The following ZMYM4 variants were observed in gnomAD, a reference collection of about 807,000 sequenced individuals.
The protein encoded by ZMYM4 is zinc finger MYM-type containing 4.
A neutral mutation model predicts 183.2 loss-of-function variants in ZMYM4; 31 were observed. The observed-to-expected ratio is 0.17, with a 90% CI of 0.13 to 0.23. The LOEUF is 0.23. Ranked by LOEUF, ZMYM4 falls within the 10% of genes least tolerant of loss-of-function variation. ZMYM4 has a pLI of 1.00. For synonymous variants in ZMYM4, 592 were observed against 631.2 expected (o/e 0.94, Z 0.93); for missense variants, 1,273 against 1,840.3 (o/e 0.69, Z 5.64).
chr1:35,273,801 G>A (rs929808334), intron 1 of ZMYM4, among the ~76,000 whole-genome samples: 10 of 152,160 alleles, frequency 6.6e-5, no homozygotes, highest in African/African-American at 1.7e-4. Flanking sequence ...CCTTCAGTGG[G>A]TAGGGAGGAG....
chr1:35,279,749 C>T (rs1640051279), intron 1 of ZMYM4, among the ~76,000 whole-genome samples: 2 of 152,316 alleles, frequency 1.3e-5, no homozygotes, highest in Non-Finnish European at 2.9e-5. Context: ...TTCTATCCCA[C>T]AGTAGAACAT....
At chr1:35,300,367 A>G (rs1411971019) in intron 1 of ZMYM4, among the ~76,000 whole-genome samples, 2 of 152,008 alleles carry the variant, frequency 1.3e-5, no homozygotes, top group Non-Finnish European at 2.9e-5. Context: ...ATTCTCTATC[A>G]CTTTTTATCA....
At chr1:35,321,589 C>CTG (rs141218579) in intron 1 of ZMYM4, among the ~76,000 whole-genome samples, 3,497 of 147,902 alleles carry the variant, frequency 0.024, 67 homozygotes, top group African/African-American at 0.059. Context: ...ACTTTCAGAG[C>CTG]TGTGTGTGTG....
intron 11 of ZMYM4, among the ~76,000 whole-genome samples, 153 bp downstream of exon 11, chr1:35,386,342 A>G (rs1203275172): frequency 6.6e-6 from 1 of 152,196 alleles, no homozygotes; most frequent in Non-Finnish European, 1.5e-5. Context: ...TACAGGTAGC[A>G]TGGCTGGAGA....
chr1:35,304,638 A>ATT (rs150115066), intron 1 of ZMYM4, among the ~76,000 whole-genome samples: 4 of 121,738 alleles, frequency 3.3e-5, no homozygotes, highest in East Asian at 4.6e-4. Context: ...TTTTTTTTGT[A>ATT]TTTTTTTTTT....
intron 26 of ZMYM4, 125 bp downstream of exon 26, chr1:35,408,284 T>C: frequency 8.1e-7 from 1 of 1,227,988 alleles, no homozygotes; most frequent in East Asian, 2.5e-5. Flanking sequence ...GAACATTGTT[T>C]TTAACAACAA....
In ZMYM4 at chr1:35,381,537, A is replaced by C; in HGVS notation, c.1357-9A>C. Reference sequence around the variant, plus strand: ...CCTTGTTTTTGTGTTGCTGTTATTTAATTTCTAGATTCGACATGAAGTTAA... The same window carrying C: ...CCTTGTTTTTGTGTTGCTGTTATTTCATTTCTAGATTCGACATGAAGTTAA... On this transcript the variant is annotated splice_polypyrimidine_tract_variant and intron_variant, in intron 8 of 29. Transcript: ENST00000314607. 6.2e-7 allele frequency: 1 copy of C among 1,614,082 alleles called. No individual in the cohort carries two copies.
At chr1:35,283,905 T>TC (rs1640329536) in intron 1 of ZMYM4, among the ~76,000 whole-genome samples, 1 of 152,164 alleles carries the variant, frequency 6.6e-6, no homozygotes, top group Non-Finnish European at 1.5e-5. Context: ...AATATTTTTT[T>TC]CCCATTCTGT....
intron 1 of ZMYM4, among the ~76,000 whole-genome samples, chr1:35,287,355 C>CCGTGCCCAGCCA (rs1640554060): frequency 6.6e-6 from 1 of 151,836 alleles, no homozygotes; most frequent in Non-Finnish European, 1.5e-5. Flanking sequence ...GCATCAGCCA[C>CCGTGCCCAGCCA]TGGCTTATAG....
chr1:35,310,802 T>A (rs953796031), intron 1 of ZMYM4, among the ~76,000 whole-genome samples: 7 of 152,126 alleles, frequency 4.6e-5, no homozygotes, highest in African/African-American at 1.7e-4. Context: ...GGTCTCGAGC[T>A]CCTGACCTCA....
At chr1:35,388,304 A>G (rs531801851) in intron 13 of ZMYM4, among the ~76,000 whole-genome samples, 2 of 152,152 alleles carry the variant, frequency 1.3e-5, no homozygotes, top group Non-Finnish European at 2.9e-5. Context: ...TCCTGGGTTC[A>G]AGCGATTCTC....
chr1:35,405,002 A>G (rs750348585), intron 23 of ZMYM4, 21 bp from the exon 24 acceptor site: 67 of 1,559,554 alleles, frequency 4.3e-5, no homozygotes, highest in Non-Finnish European at 5.7e-5. Context: ...TATGTTCTGT[A>G]AATTTTTGGA....
Position 35,387,462 on chromosome 1 carries a change from G to A in ZMYM4, c.2121G>A (p.Met707Ile), listed in dbSNP as rs1196198014. The A allele has an allele frequency of 1.2e-6, 2 of 1,605,730 alleles. No individual in the cohort carries two copies. The highest frequency in any genetic ancestry group is 2.2e-5 in the East Asian group (1 of 44,818). ...KPELLDYKGK[M>I]FQFCGKNCSD... ...TGATTATTTCTTTGCAGGGCAAAATGTTTCAGTTCTGTGGCAAGAATTGTT... is the reference window on the plus strand; with the variant it reads ...TGATTATTTCTTTGCAGGGCAAAATATTTCAGTTCTGTGGCAAGAATTGTT... Residue 707 changes from methionine to isoleucine, a missense_variant, in exon 13 of 30, where the codon ATG becomes ATA. By Grantham distance (10) the Met-to-Ile change is conservative (BLOSUM62 1). Around this residue, in one of 6 missense-constraint regions of ZMYM4, gnomAD observed 319 missense variants for 518.1 expected, o/e 0.62. Transcript: ENST00000314607.
chr1:35,298,696 G>T (rs144934580), intron 1 of ZMYM4, among the ~76,000 whole-genome samples: 1 of 152,142 alleles, frequency 6.6e-6, no homozygotes, highest in Non-Finnish European at 1.5e-5. Flanking sequence ...AGGAAGAGAA[G>T]CCCCTTCCTT....
chr1:35,339,528 A>G (rs1643118989), intron 2 of ZMYM4, among the ~76,000 whole-genome samples: 1 of 152,042 alleles, frequency 6.6e-6, no homozygotes. Context: ...AGCCCATAAT[A>G]TTAAGTTCTA....
rs1643586760 is a variant in ZMYM4, at chr1:35,351,035, C to T, written c.86-7890C>T. 6.8e-6 allele frequency: 6 copies of T among 882,588 alleles called. No homozygotes were observed. The South Asian group carries it at 8.6e-5, about 13-fold the overall frequency. The allele number at this position is 882,588 out of a possible 1,614,324, so 54.7% of individuals were successfully genotyped here. On this transcript the variant is annotated intron_variant, in intron 2 of 29. Coordinates refer to ENST00000314607, the MANE Select transcript of ZMYM4 (RefSeq NM_005095.3). ...CGCATTGTACTGGCCTGCTGCTGGC[C>T]CGCAGCCTTCTCAATAGGTTTGGCA...
At chr1:35,331,227 C>T (rs991116936) in intron 2 of ZMYM4, among the ~76,000 whole-genome samples, 3 of 151,964 alleles carry the variant, frequency 2.0e-5, no homozygotes, top group Admixed American at 6.6e-5. Flanking sequence ...AAATCAAAGC[C>T]TAAAAGTCTT....
chr1:35,384,835 CTTTTTCTTTTTTTT>C (rs895498980), intron 9 of ZMYM4, among the ~76,000 whole-genome samples: 2 of 136,620 alleles, frequency 1.5e-5, no homozygotes, highest in Non-Finnish European at 3.1e-5. Flanking sequence ...TTATTTTTTT[CTTTTTCTTTTTTTT>C]TTTTTTTTTT....
intron 2 of ZMYM4, among the ~76,000 whole-genome samples, chr1:35,327,183 C>T (rs554167419): frequency 5.1e-4 from 77 of 152,304 alleles, no homozygotes; most frequent in Middle Eastern, 3.4e-3. Flanking sequence ...TTCAGTGCTA[C>T]AGCAAAATAA....
Sources: gnomAD v4.1 joint callset for allele counts (sites outside exome capture counted in the v4.1 genomes callset) on GRCh38, gnomAD v4.1.1 for gene constraint, gnomAD v4.1.1 regional missense constraint, MANE v1.5 for transcripts, NCBI Gene and HGNC (gene_info 2026-07-23, HGNC 2026-07-21) for gene names.